GPHN: variants seen among roughly 807,000 people sequenced by gnomAD.
GPHN encodes the protein gephyrin.
Under a neutral mutation model 95.5 loss-of-function variants are expected in GPHN, and 17 were observed. That is an observed-to-expected ratio of 0.18 (90% confidence interval 0.12 to 0.27). The LOEUF (loss-of-function observed/expected upper bound fraction) is 0.27. GPHN is among the 10% of genes least tolerant of loss of function. The pLI, the probability that GPHN is intolerant of heterozygous loss-of-function variation, is 1.00. For synonymous variants in GPHN, 320 were observed against 322.5 expected (o/e 0.99, Z 0.08); for missense variants, 660 against 978.1 (o/e 0.67, Z 4.34).
At chr14:67,289,754 AT>A in the GPHN span, among the ~76,000 whole-genome samples, 1 of 142,676 alleles carries the variant, frequency 7.0e-6, no homozygotes, top group Admixed American at 7.0e-5. Context: ...CATTGGGAAG[AT>A]TTTTTTCCAT....
the GPHN span, chr14:67,674,325 C>A: frequency 6.8e-7 from 1 of 1,478,286 alleles, no homozygotes; most frequent in Non-Finnish European, 9.0e-7. Context: ...ATCTTCCTTC[C>A]AAAGCGCGCA....
At chr14:67,219,133 T>C in the GPHN span, among the ~76,000 whole-genome samples, 3 of 152,122 alleles carry the variant, frequency 2.0e-5, no homozygotes, top group Non-Finnish European at 4.4e-5. Flanking sequence ...CCTTGTGCTC[T>C]TAACCTGGGG....
the GPHN span, among the ~76,000 whole-genome samples, chr14:67,608,773 A>G: frequency 7.2e-5 from 11 of 152,310 alleles, no homozygotes; most frequent in Admixed American, 7.2e-4. Flanking sequence ...CACAGATGAC[A>G]TATTCTTGTT....
the GPHN span, among the ~76,000 whole-genome samples, chr14:67,458,914 T>G: frequency 3.0e-3 from 462 of 151,774 alleles, 1 homozygote; most frequent in African/African-American, 0.011. Context: ...TGAGATGGAG[T>G]CTTGCTCTTG....
At chr14:66,552,238 A>G (rs977518455) in intron 1 of GPHN, among the ~76,000 whole-genome samples, 1 of 152,182 alleles carries the variant, frequency 6.6e-6, no homozygotes, top group Non-Finnish European at 1.5e-5. Flanking sequence ...TCAGAAAGTT[A>G]TTTCATACCT....
the GPHN span, among the ~76,000 whole-genome samples, chr14:67,629,969 C>T: frequency 6.6e-6 from 1 of 152,152 alleles, no homozygotes; most frequent in Non-Finnish European, 1.5e-5. Context: ...AAAAAATCAT[C>T]CTAAATGCAT....
At chr14:67,397,041 C>T in the GPHN span, among the ~76,000 whole-genome samples, 2 of 99,036 alleles carry the variant, frequency 2.0e-5, no homozygotes, top group Non-Finnish European at 3.4e-5. Flanking sequence ...CAGGGTCAAG[C>T]GATTCTCCTG....
chr14:67,077,636 A>G (rs2076546959), intron 11 of GPHN, among the ~76,000 whole-genome samples: 1 of 152,094 alleles, frequency 6.6e-6, no homozygotes, highest in Non-Finnish European at 1.5e-5. Flanking sequence ...CAGCCATTTG[A>G]ATCGATAAAG....
intron 2 of GPHN, among the ~76,000 whole-genome samples, chr14:66,737,447 T>G (rs1164108765): frequency 1.3e-5 from 2 of 152,220 alleles, no homozygotes; most frequent in Non-Finnish European, 2.9e-5. Context: ...TTCTTTTTTT[T>G]TCTTTTCATA....
chr14:66,563,179 A>T (rs1447242661), intron 1 of GPHN, among the ~76,000 whole-genome samples: 6 of 151,908 alleles, frequency 3.9e-5, no homozygotes, highest in Non-Finnish European at 8.8e-5. Flanking sequence ...ATAACTTTTA[A>T]TTATTAGACT....
At chr14:67,600,200 C>T in the GPHN span, 2 of 1,573,290 alleles carry the variant, frequency 1.3e-6, no homozygotes, top group Non-Finnish European at 1.7e-6. Flanking sequence ...CGCTCATCCT[C>T]CATGACGCCC....
chr14:66,872,844 G>A (rs543973361), intron 4 of GPHN, among the ~76,000 whole-genome samples: 3 of 150,260 alleles, frequency 2.0e-5, no homozygotes, highest in Admixed American at 1.3e-4. Flanking sequence ...GCAGTAAGCC[G>A]AGATCGTGCC....
chr14:66,764,404 C>A (rs1488655337), intron 2 of GPHN, among the ~76,000 whole-genome samples: 2 of 151,358 alleles, frequency 1.3e-5, no homozygotes, highest in Non-Finnish European at 2.9e-5. Flanking sequence ...GTAAACTTGG[C>A]CTAGATTAAC....
At chr14:66,887,398 G>T (rs1362365303) in intron 5 of GPHN, among the ~76,000 whole-genome samples, 1 of 152,110 alleles carries the variant, frequency 6.6e-6, no homozygotes, top group Non-Finnish European at 1.5e-5. Flanking sequence ...GACCATCCTG[G>T]CTAACACAGT....
chr14:67,237,325 T>C, the GPHN span, among the ~76,000 whole-genome samples: 1 of 152,132 alleles, frequency 6.6e-6, no homozygotes, highest in Non-Finnish European at 1.5e-5. Context: ...AAAACCATAC[T>C]AGTGAAGACC....
At chr14:67,458,070 C>T in the GPHN span, among the ~76,000 whole-genome samples, 2 of 152,144 alleles carry the variant, frequency 1.3e-5, no homozygotes, top group Non-Finnish European at 2.9e-5. Flanking sequence ...CTGGCCAATC[C>T]GTTGTGACAG....
At chr14:67,200,076 T>G in the GPHN span, 1 of 969,752 alleles carries the variant, frequency 1.0e-6, no homozygotes, top group African/African-American at 1.6e-5. Context: ...AACCACCACC[T>G]GGAATGCCTT....
the GPHN span, chr14:67,338,647 T>A: frequency 6.2e-7 from 1 of 1,614,062 alleles, no homozygotes; most frequent in Non-Finnish European, 8.5e-7. Context: ...TCCTCGTCCT[T>A]CTCTTCAGCC....
intron 9 of GPHN, among the ~76,000 whole-genome samples, chr14:66,967,802 G>A (rs1357195417): frequency 6.6e-6 from 1 of 151,682 alleles, no homozygotes; most frequent in South Asian, 2.1e-4. Flanking sequence ...ATAATAGCAG[G>A]GGAACTTCAT....
Sources: allele counts gnomAD v4.1 joint callset (sites outside exome capture counted in the v4.1 genomes callset), GRCh38; gene constraint gnomAD v4.1.1; transcripts MANE v1.5; gene names NCBI Gene and HGNC (gene_info 2026-07-23, HGNC 2026-07-21).